Variants in MYO9B observed in about 807,000 individuals in gnomAD.
The protein encoded by MYO9B is unconventional myosin-IXb.
Under a neutral mutation model 229.5 loss-of-function variants are expected in MYO9B, and 71 were observed. The ratio of observed to expected loss-of-function variants is 0.31; its 90% CI spans 0.26 to 0.38. MYO9B has a LOEUF of 0.38. MYO9B is among the 10% of genes least tolerant of loss of function. The probability of loss-of-function intolerance (pLI) is 1.00; values close to 1 mark genes in which losing one functional copy is unlikely to be tolerated. For missense variants in MYO9B, 2,255 were observed against 2,920.5 expected (o/e 0.77, Z 5.25); for synonymous variants, 1,185 against 1,235.8 (o/e 0.96, Z 0.86).
Position 17,102,263 on chromosome 19 carries a change from C to T in MYO9B, c.546C>T (p.Ile182=). Residue 182 remains isoleucine, a synonymous_variant, in exon 2 of 40, where the codon ATC becomes ATT. Transcript: ENST00000682292. ...QQKIYTYAGS[I]LVAINPFKFL... ...AGATCTACACGTACGCGGGGAGCATCCTGGTGGCCATCAACCCCTTTAAGT... is the reference window on the plus strand; with the variant it reads ...AGATCTACACGTACGCGGGGAGCATTCTGGTGGCCATCAACCCCTTTAAGT... 1 of 1,614,054 alleles carries T rather than the reference C, an allele frequency of 6.2e-7. No individual in the cohort carries two copies. The highest frequency in any genetic ancestry group is 8.5e-7 in the Non-Finnish European group (1 of 1,179,900).
At chr19:17,188,428 C>CAAAAA (rs1182917762) in intron 19 of MYO9B, among the ~76,000 whole-genome samples, 17 of 92,512 alleles carry the variant, frequency 1.8e-4, no homozygotes, top group South Asian at 3.6e-4. Flanking sequence ...GACTCCATCT[C>CAAAAA]AAAAAAAAAA....
chr19:17,096,706 G>GTTT (rs71180359), intron 1 of MYO9B, among the ~76,000 whole-genome samples: 3 of 21,388 alleles, frequency 1.4e-4, no homozygotes, highest in Non-Finnish European at 2.7e-4. Flanking sequence ...GTTGTTGTTG[G>GTTT]TTTTTTTTTT....
chr19:17,158,862 G>A (rs565748005), intron 7 of MYO9B, among the ~76,000 whole-genome samples: 10 of 152,324 alleles, frequency 6.6e-5, no homozygotes, highest in South Asian at 2.1e-4. Context: ...CGGCAAGCCC[G>A]TGCTATGTGG....
intron 22 of MYO9B, among the ~76,000 whole-genome samples, chr19:17,196,824 A>T (rs1031357782): frequency 6.6e-6 from 1 of 151,766 alleles, no homozygotes; most frequent in South Asian, 2.1e-4. Context: ...GGGTGGGTGG[A>T]TGGATGGATG....
At chr19:17,158,932 G>A (rs1312870118) in intron 7 of MYO9B, among the ~76,000 whole-genome samples, 4 of 152,308 alleles carry the variant, frequency 2.6e-5, no homozygotes, top group African/African-American at 2.4e-5. Context: ...AGCGGCTCAC[G>A]CCTATAATCC....
At chr19:17,154,455 A>G in intron 6 of MYO9B, 40 bp downstream of exon 6, 2 of 1,496,124 alleles carry the variant, frequency 1.3e-6, no homozygotes, top group Non-Finnish European at 1.8e-6. Context: ...CCCAGAGCCT[A>G]CAGGGGGCAC....
intron 14 of MYO9B, 37 bp from the exon 15 acceptor site, chr19:17,180,890 C>A: frequency 6.9e-7 from 1 of 1,438,958 alleles, no homozygotes; most frequent in Non-Finnish European, 9.7e-7. Context: ...ACTCCATCTT[C>A]TTTCTGTCAC....
At chr19:17,118,076 T>C (rs2057924056) in intron 2 of MYO9B, among the ~76,000 whole-genome samples, 1 of 151,994 alleles carries the variant, frequency 6.6e-6, no homozygotes, top group Non-Finnish European at 1.5e-5. Context: ...TTATCATAGC[T>C]GGGGAGGGAG....
intron 1 of MYO9B, among the ~76,000 whole-genome samples, chr19:17,094,520 G>A (rs749702231): frequency 6.6e-6 from 1 of 152,092 alleles, no homozygotes; most frequent in African/African-American, 2.4e-5. Flanking sequence ...AGCAGCCACC[G>A]ATCAGCTTTC....
intron 1 of MYO9B, among the ~76,000 whole-genome samples, chr19:17,100,074 A>G (rs544115551): frequency 5.1e-4 from 78 of 151,660 alleles, no homozygotes; most frequent in Non-Finnish European, 9.7e-4. Flanking sequence ...GTGAGCCGAC[A>G]TCATGCCACT....
intron 2 of MYO9B, among the ~76,000 whole-genome samples, chr19:17,112,935 T>A (rs1278272468): frequency 4.6e-5 from 7 of 152,176 alleles, no homozygotes; most frequent in Non-Finnish European, 1.0e-4. Flanking sequence ...TGGGGGGCAT[T>A]TCAGGGATGA....
chr19:17,120,871 C>G (rs1251769239), intron 2 of MYO9B, among the ~76,000 whole-genome samples: 1 of 152,116 alleles, frequency 6.6e-6, no homozygotes, highest in Non-Finnish European at 1.5e-5. Flanking sequence ...GCAGATAACT[C>G]AGAAGACTGA....
At chr19:17,157,131 C>A in intron 7 of MYO9B, 93 bp downstream of exon 7, 2 of 1,452,024 alleles carry the variant, frequency 1.4e-6, no homozygotes, top group Non-Finnish European at 1.8e-6. Context: ...CTTCCTACGT[C>A]AGCTGAGGTT....
chr19:17,195,281 A>G lies in MYO9B; in HGVS notation c.3854A>G (p.Gln1285Arg), dbSNP rs760462178. 5.0e-6 allele frequency: 8 copies of G among 1,612,176 alleles called. No individual in the cohort carries two copies. The highest frequency in any genetic ancestry group is 2.2e-5 in the South Asian group (2 of 91,074). Residue 1285 changes from glutamine (Q) to arginine (R), a missense_variant, in exon 22 of 40, where the codon CAG becomes CGG. By Grantham distance (43) the Gln-to-Arg change is conservative. This residue lies in a region of MYO9B where 679 missense variants were observed against 770.2 expected (regional missense o/e 0.88). Transcript: ENST00000682292. This position sits in a 1 kb window ranked among gnomAD's most constrained non-coding sequence, Gnocchi z 4.5. ...AAACCATGTGGCAGCCCAAGGGTTC[A>G]GGAAAAGCCCGACAGCCCCGGAGGC... ...KSKPCGSPRV[Q>R]EKPDSPGGST...
At position 17,206,294 on chromosome 19, in the gene MYO9B, A is replaced by C. The variant is rs776330454; in HGVS notation, c.5304A>C (p.Thr1768=). Residue 1768 remains threonine, a synonymous_variant, in exon 33 of 40, where the codon ACA becomes ACC. Coordinates refer to ENST00000682292, the MANE Select transcript of MYO9B (RefSeq NM_004145.4). ...AGAACTTCCCCATCCACGCCATCACAGGGGTGCTGAAGCAGTGGCTGCGGG... is the reference window on the plus strand; with the variant it reads ...AGAACTTCCCCATCCACGCCATCACCGGGGTGCTGAAGCAGTGGCTGCGGG... The part of the protein sequence containing the change: ...KLENFPIHAI[T]GVLKQWLREL... 1.3e-6 allele frequency: 2 copies of C among 1,577,030 alleles called. No individual in the cohort carries two copies. Among genetic ancestry groups the C allele is most frequent in the Admixed American group, 3.6e-5 (2 of 56,312 alleles).
At chr19:17,087,385 A>G (rs75162703) in intron 1 of MYO9B, among the ~76,000 whole-genome samples, 17,823 of 152,286 alleles carry the variant, frequency 0.12, 1,234 homozygotes, top group Non-Finnish European at 0.13. Context: ...GAACACGTTC[A>G]GAAGAACACA....
At chr19:17,157,103 G>C in intron 7 of MYO9B, 65 bp downstream of exon 7, 1 of 1,556,452 alleles carries the variant, frequency 6.4e-7, no homozygotes, top group Non-Finnish European at 8.7e-7. Context: ...CTCTCAGTAC[G>C]AGGGACCATA....
chr19:17,212,300 C>A lies in MYO9B; in HGVS notation c.6464C>A (p.Thr2155Asn), dbSNP rs1438060834. ...TYCLPPASGQ[T>N]NG ...TGCCTGCCCCCCGCCTCGGGCCAGA[C>A]CAATGGCTGAGAGCCACAGCTGACA... The change falls in exon 40 of 40, where the codon ACC (threonine) becomes AAC (asparagine). Residue 2155 changes from threonine to asparagine, a missense_variant. Physicochemically the swap from Thr to Asn is moderately conservative, Grantham distance 65 (BLOSUM62 0). Transcript: ENST00000682292. This position sits in a 1 kb window ranked among gnomAD's most constrained non-coding sequence, Gnocchi z 5.4. 1 of 1,503,880 alleles carries A rather than the reference C, an allele frequency of 6.6e-7. No homozygotes were observed. The highest frequency in any genetic ancestry group is 8.8e-7 in the Non-Finnish European group (1 of 1,135,064). 93.2% of individuals were successfully genotyped at this position (1,503,880 alleles called of 1,614,324 possible).
Position 17,192,915 on chromosome 19 carries a change from G to T in MYO9B, c.2981G>T (p.Arg994Leu). Residue 994 changes from arginine to leucine, a missense_variant, in exon 21 of 40, where the codon CGG (arginine) becomes CTG (leucine). Physicochemically the swap from Arg to Leu is moderately radical, Grantham distance 102. Transcript: ENST00000682292. Reference protein sequence around the residue: ...VTIQACWRSYRVRRALERTQA... With the variant: ...VTIQACWRSYLVRRALERTQA... ...ATCCAGGCCTGCTGGCGGTCCTACC[G>T]GGTCCGGAGGGCGCTGGAGAGGACG... 2 of 1,549,894 alleles carry T rather than the reference G, an allele frequency of 1.3e-6. No homozygotes were observed. Among genetic ancestry groups the T allele is most frequent in the Non-Finnish European group, 1.7e-6 (2 of 1,146,998 alleles).
Sources: allele counts gnomAD v4.1 joint callset (sites outside exome capture counted in the v4.1 genomes callset), GRCh38; gene constraint gnomAD v4.1.1; regional missense constraint gnomAD v4.1.1; non-coding constraint Gnocchi (gnomAD v3.1); transcripts MANE v1.5; gene names NCBI Gene and HGNC (gene_info 2026-07-23, HGNC 2026-07-21).